The following CDH13 variants were observed in gnomAD, a reference collection of about 807,000 sequenced individuals.
CDH13 encodes the protein cadherin-13.
A neutral mutation model predicts 63.8 loss-of-function variants in CDH13; 24 were observed. The observed-to-expected ratio is 0.38, with a 90% CI of 0.27 to 0.53. The LOEUF (loss-of-function observed/expected upper bound fraction) is 0.53, where lower values mean the gene tolerates loss of function less well. Among genes scored for constraint, CDH13 ranks in the 20% least tolerant of loss-of-function variants. The pLI is 0.85. For synonymous variants in CDH13, 503 were observed against 355.3 expected, an observed-to-expected ratio of 1.42 and a Z score of -4.67; for missense variants, 1,049 against 903.1, an observed-to-expected ratio of 1.16 and a Z score of -2.07.
intron 6 of CDH13, among the ~76,000 whole-genome samples, chr16:83,371,760 C>T (rs762647289): frequency 5.3e-5 from 8 of 152,104 alleles, no homozygotes; most frequent in South Asian, 2.1e-4. Context: ...TAAAGACAAA[C>T]GGAACTCAGA....
At chr16:83,761,454 T>A (rs880639) in intron 11 of CDH13, among the ~76,000 whole-genome samples, 39,612 of 152,156 alleles carry the variant, frequency 0.26, 5,411 homozygotes, top group Non-Finnish European at 0.31. Flanking sequence ...CAAAGTAAGC[T>A]GAGAGAGACT....
intron 1 of CDH13, among the ~76,000 whole-genome samples, chr16:82,666,707 A>G (rs1912628843): frequency 6.6e-6 from 1 of 152,204 alleles, no homozygotes; most frequent in East Asian, 1.9e-4. Flanking sequence ...GCATATCACA[A>G]TGTAAAGGTA....
At chr16:82,985,501 C>T (rs1910822689) in intron 2 of CDH13, among the ~76,000 whole-genome samples, 1 of 152,164 alleles carries the variant, frequency 6.6e-6, no homozygotes, top group African/African-American at 2.4e-5. Flanking sequence ...TGGCTTTCCT[C>T]CTCCTTTCTC....
intron 2 of CDH13, among the ~76,000 whole-genome samples, chr16:82,901,691 C>A (rs1373103461): frequency 6.6e-6 from 1 of 152,180 alleles, no homozygotes; most frequent in East Asian, 1.9e-4. Context: ...TAAACACTTA[C>A]AGGGCTGCGG....
intron 7 of CDH13, among the ~76,000 whole-genome samples, chr16:83,511,919 C>T (rs2074575309): frequency 6.6e-6 from 1 of 152,154 alleles, no homozygotes; most frequent in Non-Finnish European, 1.5e-5. Flanking sequence ...TCGAAAGGGG[C>T]TCATAAAAGC....
chr16:82,888,842 C>A (rs1208618663), intron 2 of CDH13, among the ~76,000 whole-genome samples: 7 of 152,178 alleles, frequency 4.6e-5, no homozygotes, highest in Non-Finnish European at 1.0e-4. Flanking sequence ...CAATTGTTTT[C>A]TATAGTCTGT....
At position 83,279,763 on chromosome 16, in the gene CDH13, T is replaced by C. The variant is rs116821570; in HGVS notation, c.636+62266T>C. Among the ~76,000 whole-genome samples, 369 of 151,942 alleles carry C rather than the reference T, an allele frequency of 2.4e-3. 1 individual carries two copies. Among genetic ancestry groups the C allele is most frequent in the African/African-American group, 8.6e-3 (357 of 41,428 alleles). On this transcript the variant is annotated intron_variant, in intron 5 of 13. Transcript: ENST00000567109. Reference sequence around the variant, plus strand: ...CCATAAAACATACCTAAAGATAATATAGGCGTAGCTCAGAGATATCAAAGG... The same window carrying C: ...CCATAAAACATACCTAAAGATAATACAGGCGTAGCTCAGAGATATCAAAGG...
chr16:83,265,855 A>G (rs534949839), intron 5 of CDH13, among the ~76,000 whole-genome samples: 1 of 147,350 alleles, frequency 6.8e-6, no homozygotes, highest in East Asian at 2.0e-4. Flanking sequence ...TTTTGCATGG[A>G]CGTGCATGAA....
chr16:83,297,106 G>C (rs1054059791), intron 5 of CDH13, among the ~76,000 whole-genome samples: 2 of 152,052 alleles, frequency 1.3e-5, no homozygotes, highest in Non-Finnish European at 2.9e-5. Context: ...GAGAGAGGAT[G>C]GTCAACAGGT....
At chr16:83,763,237 C>G (rs2150988910) in intron 11 of CDH13, among the ~76,000 whole-genome samples, 1 of 152,204 alleles carries the variant, frequency 6.6e-6, no homozygotes, top group South Asian at 2.1e-4. Context: ...GATATAGAAC[C>G]AGGCATAACA....
chr16:83,611,357 A>G (rs574316607), intron 8 of CDH13, among the ~76,000 whole-genome samples: 8 of 152,078 alleles, frequency 5.3e-5, no homozygotes, highest in Non-Finnish European at 1.2e-4. Flanking sequence ...TCATTGATGG[A>G]TATGAAACTA....
At chr16:83,417,023 G>T (rs16960421) in intron 6 of CDH13, among the ~76,000 whole-genome samples, 13,738 of 152,160 alleles carry the variant, frequency 0.09, 818 homozygotes, top group African/African-American at 0.17. Context: ...AACCTTTTCT[G>T]AATATTGTCC....
At chr16:83,490,547 C>T (rs1317376057) in intron 7 of CDH13, among the ~76,000 whole-genome samples, 1 of 152,186 alleles carries the variant, frequency 6.6e-6, no homozygotes, top group African/African-American at 2.4e-5. Context: ...CAAGGATTGG[C>T]AGCCACTATT....
chr16:83,789,337 C>CTTTTTT lies in CDH13; in HGVS notation c.2135-5682_2135-5677dup, dbSNP rs148503283. Among the ~76,000 whole-genome samples the CTTTTTT allele has an allele frequency of 3.1e-3, 405 of 131,502 alleles. 1 individual carries two copies. Among genetic ancestry groups the CTTTTTT allele is most frequent in the East Asian group, 5.3e-3 (24 of 4,488 alleles). The allele number at this position is 131,502 out of a possible 152,430, so 86.3% of individuals were successfully genotyped here. The stretch of plus-strand genomic sequence containing the variant: ...AAAAAACACTGAAATTAGTAGCTTT[C>CTTTTTT]TTTTTTTTTGTTTGTCTGTTTTGTT... On this transcript the variant is annotated intron_variant, in intron 13 of 13. Transcript: ENST00000567109.
At position 83,798,037 on chromosome 16, in the gene CDH13, T is replaced by G. The variant is rs1904291156; in HGVS notation, c.*3007T>G. 6.6e-6 allele frequency: 1 copy of G among 152,198 alleles called. No homozygotes were observed. The highest frequency in any genetic ancestry group is 2.1e-4 in the South Asian group (1 of 4,836). 9.4% of individuals were successfully genotyped at this position (152,198 alleles called of 1,614,324 possible). A position where few individuals can be genotyped will look rare whatever the true frequency, so the allele number is the denominator to read the frequency against. On this transcript the variant is annotated 3_prime_UTR_variant, in exon 14 of 14. Coordinates refer to ENST00000567109, the MANE Select transcript of CDH13 (RefSeq NM_001257.5). The stretch of plus-strand genomic sequence containing the variant: ...AGCAAATCTAAGCATTATAACGAAA[T>G]AAATCCAGCCAGATTTCATGGTAGG...
At chr16:83,173,936 G>C (rs1166127144) in intron 4 of CDH13, among the ~76,000 whole-genome samples, 2 of 152,032 alleles carry the variant, frequency 1.3e-5, no homozygotes, top group Non-Finnish European at 2.9e-5. Flanking sequence ...AACAGAACAG[G>C]CATATCCCTG....
intron 6 of CDH13, among the ~76,000 whole-genome samples, chr16:83,373,755 C>T (rs939812069): frequency 8.5e-5 from 13 of 152,140 alleles, no homozygotes; most frequent in African/African-American, 2.7e-4. Flanking sequence ...GAGGGATCTT[C>T]GATAAAATAC....
chr16:83,402,591 A>G (rs1402639954), intron 6 of CDH13, among the ~76,000 whole-genome samples: 1 of 152,220 alleles, frequency 6.6e-6, no homozygotes, highest in Non-Finnish European at 1.5e-5. Flanking sequence ...TTTATGTATG[A>G]CGAACCCAGG....
intron 10 of CDH13, among the ~76,000 whole-genome samples, chr16:83,724,572 G>T (rs900367691): frequency 2.4e-4 from 36 of 147,802 alleles, no homozygotes; most frequent in African/African-American, 8.8e-4. Context: ...TACATGGATG[G>T]ATGAAGTTGT....
Sources: gnomAD v4.1 joint callset for allele counts (sites outside exome capture counted in the v4.1 genomes callset) on GRCh38, gnomAD v4.1.1 for gene constraint, MANE v1.5 for transcripts, NCBI Gene and HGNC (gene_info 2026-07-23, HGNC 2026-07-21) for gene names.